Variants in SDK1 observed in about 807,000 individuals in gnomAD.
SDK1 encodes protein sidekick-1.
A neutral mutation model predicts 245.5 loss-of-function variants in SDK1; 157 were observed. The ratio of observed to expected loss-of-function variants is 0.64; its 90% CI spans 0.56 to 0.73. The LOEUF (loss-of-function observed/expected upper bound fraction) is 0.73, where lower values mean the gene tolerates loss of function less well. SDK1 is among the 30% of genes least tolerant of loss of function. The probability of loss-of-function intolerance (pLI) is 0.00; values close to 1 mark genes in which losing one functional copy is unlikely to be tolerated. For missense variants in SDK1, 3,583 were observed against 3,002.3 expected (o/e 1.19, Z -4.52); for synonymous variants, 1,647 against 1,278.5 (o/e 1.29, Z -6.15).
At chr7:3,558,340 C>T (rs1261377748) in intron 1 of SDK1, among the ~76,000 whole-genome samples, 1 of 152,232 alleles carries the variant, frequency 6.6e-6, no homozygotes, top group Admixed American at 6.5e-5. Flanking sequence ...CTCATACTTT[C>T]TTCTCCCTGG....
chr7:3,795,714 C>A (rs556995158), intron 4 of SDK1, among the ~76,000 whole-genome samples: 168 of 152,194 alleles, frequency 1.1e-3, no homozygotes, highest in African/African-American at 3.9e-3. Flanking sequence ...TTAAAATGTG[C>A]CCTTTCTGAA....
intron 19 of SDK1, among the ~76,000 whole-genome samples, chr7:4,055,867 T>G (rs1779163725): frequency 6.6e-6 from 1 of 152,174 alleles, no homozygotes. Context: ...TTTATTTCCT[T>G]TGAGATACTC....
chr7:3,930,580 C>T (rs1432861753), intron 5 of SDK1, among the ~76,000 whole-genome samples: 5 of 152,188 alleles, frequency 3.3e-5, no homozygotes, highest in Non-Finnish European at 7.3e-5. Context: ...ATCCTGGCAT[C>T]AAATTAAGCT....
chr7:3,960,591 C>T (rs1003137266), intron 8 of SDK1, among the ~76,000 whole-genome samples: 4 of 152,160 alleles, frequency 2.6e-5, no homozygotes, highest in African/African-American at 7.2e-5. Flanking sequence ...GACCCCCTCC[C>T]GACCCACCGT....
At chr7:3,311,021 G>A (rs1186389493) in intron 1 of SDK1, among the ~76,000 whole-genome samples, 1 of 152,108 alleles carries the variant, frequency 6.6e-6, no homozygotes, top group Non-Finnish European at 1.5e-5. Context: ...ATTCTTTTGT[G>A]TAGAGGAATC....
chr7:4,075,482 G>A (rs1780610599), intron 20 of SDK1, among the ~76,000 whole-genome samples: 1 of 152,140 alleles, frequency 6.6e-6, no homozygotes, highest in South Asian at 2.1e-4. Flanking sequence ...TGAGGTTATT[G>A]ACTAGAAATA....
chr7:3,886,320 T>C (rs1781337848), intron 5 of SDK1, among the ~76,000 whole-genome samples: 2 of 152,160 alleles, frequency 1.3e-5, no homozygotes, highest in African/African-American at 2.4e-5. Flanking sequence ...GGCAAAGAGA[T>C]AGAGATGCCG....
At chr7:3,997,758 G>A (rs1197295103) in intron 14 of SDK1, among the ~76,000 whole-genome samples, 1 of 152,164 alleles carries the variant, frequency 6.6e-6, no homozygotes, top group Non-Finnish European at 1.5e-5. Context: ...GGGACTGGCA[G>A]CCCTGCCCCC....
chr7:3,684,963 A>G (rs1341282280), intron 4 of SDK1, among the ~76,000 whole-genome samples: 3 of 152,156 alleles, frequency 2.0e-5, no homozygotes, highest in Non-Finnish European at 4.4e-5. Context: ...AATAGATTGG[A>G]CACAACAACA....
At chr7:3,674,141 C>T (rs1004919278) in intron 4 of SDK1, among the ~76,000 whole-genome samples, 1 of 152,106 alleles carries the variant, frequency 6.6e-6, no homozygotes, top group Non-Finnish European at 1.5e-5. Flanking sequence ...AATGTGTATA[C>T]TGAAATTGTG....
chr7:3,583,040 A>G (rs563130948), intron 1 of SDK1, among the ~76,000 whole-genome samples: 1 of 152,316 alleles, frequency 6.6e-6, no homozygotes, highest in Admixed American at 6.5e-5. Context: ...TCTAGTCCTA[A>G]ATGCAGAGGG....
At chr7:3,970,196 GGAGA>G (rs1782380558) in intron 11 of SDK1, among the ~76,000 whole-genome samples, 1 of 152,208 alleles carries the variant, frequency 6.6e-6, no homozygotes. Context: ...ATCTACATGA[GGAGA>G]GAAAGTTTTA....
chr7:3,343,516 G>A (rs772529285), intron 1 of SDK1, among the ~76,000 whole-genome samples: 28 of 152,202 alleles, frequency 1.8e-4, no homozygotes, highest in Non-Finnish European at 3.7e-4. Context: ...GACGGACATG[G>A]ATGTGGCTAA....
chr7:4,095,461 A>T (rs1166190900), intron 22 of SDK1, among the ~76,000 whole-genome samples: 1 of 152,228 alleles, frequency 6.6e-6, no homozygotes, highest in Non-Finnish European at 1.5e-5. Context: ...TTTAGTTTCT[A>T]TTGGGAACCA....
At position 3,619,074 on chromosome 7, in the gene SDK1, T is replaced by C; in HGVS notation, c.299-6T>C. ...TTTTGTTTTGTTTTGTTTTTTAATA[T>C]TTCAGATGATGTTGCTCCATATTTT... On this transcript the variant is annotated splice_polypyrimidine_tract_variant and splice_region_variant and intron_variant, in intron 1 of 44. Transcript: ENST00000404826. 6.4e-7 allele frequency: 1 copy of C among 1,564,986 alleles called. No homozygotes were observed. The highest frequency in any genetic ancestry group is 8.7e-7 in the Non-Finnish European group (1 of 1,148,382).
chr7:4,177,798 A>G (rs1310384874), intron 34 of SDK1, among the ~76,000 whole-genome samples: 3 of 152,206 alleles, frequency 2.0e-5, no homozygotes, highest in East Asian at 3.9e-4. Flanking sequence ...AAATAATTCT[A>G]CAACTCACCA....
At chr7:3,495,252 CTTTT>C (rs71029675) in intron 1 of SDK1, among the ~76,000 whole-genome samples, 7 of 99,764 alleles carry the variant, frequency 7.0e-5, no homozygotes, top group South Asian at 3.6e-4. Flanking sequence ...CATAATGGTT[CTTTT>C]TTTTTTTTTT....
intron 19 of SDK1, among the ~76,000 whole-genome samples, chr7:4,063,599 A>AAAAAAAAAAAAAAAAAAAAAAC (rs1554327555): frequency 6.7e-6 from 1 of 148,874 alleles, no homozygotes; most frequent in Admixed American, 6.7e-5. Flanking sequence ...AGAAATAGCA[A>AAAAAAAAAAAAAAAAAAAAAAC]AAAAAAAAAA....
intron 4 of SDK1, among the ~76,000 whole-genome samples, chr7:3,745,238 AAAT>A (rs1352381359): frequency 6.6e-6 from 1 of 152,226 alleles, no homozygotes; most frequent in Admixed American, 6.5e-5. Context: ...TTAGGTATGT[AAAT>A]AATATTTATT....
Sources: allele counts gnomAD v4.1 joint callset (sites outside exome capture counted in the v4.1 genomes callset), GRCh38; gene constraint gnomAD v4.1.1; transcripts MANE v1.5; gene names NCBI Gene and HGNC (gene_info 2026-07-23, HGNC 2026-07-21).